DNMT1: variants seen among roughly 807,000 people sequenced by gnomAD.
DNMT1 encodes DNA methyltransferase 1.
Under a neutral mutation model 205.3 loss-of-function variants are expected in DNMT1, and 24 were observed. The observed-to-expected ratio is 0.12, with a 90% CI of 0.08 to 0.16. DNMT1 has a LOEUF of 0.16. Ranked by LOEUF, DNMT1 falls within the 10% of genes least tolerant of loss-of-function variation. The pLI is 1.00. For missense variants in DNMT1, 1,293 were observed against 2,177.7 expected (o/e 0.59, Z 8.09); for synonymous variants, 817 against 839.8 (o/e 0.97, Z 0.47).
intron 1 of DNMT1, among the ~76,000 whole-genome samples, chr19:10,187,363 G>A (rs1179484072): frequency 1.3e-5 from 2 of 152,138 alleles, no homozygotes; most frequent in Admixed American, 6.6e-5. Flanking sequence ...CTACACTCGG[G>A]AAGCCAGGAC....
intron 14 of DNMT1, 41 bp downstream of exon 14, chr19:10,160,343 A>G: frequency 6.2e-7 from 1 of 1,613,668 alleles, no homozygotes; most frequent in Non-Finnish European, 8.5e-7. Context: ...TCATTTTAAC[A>G]TTACCATCTG....
intron 28 of DNMT1, 92 bp from the exon 29 acceptor site, chr19:10,144,079 T>C (rs1346412743): frequency 1.6e-6 from 2 of 1,277,586 alleles, no homozygotes; most frequent in African/African-American, 2.9e-5. Context: ...CCATTTAAAG[T>C]CAAGCACCTG....
At chr19:10,192,015 G>T (rs1284427205) in intron 1 of DNMT1, among the ~76,000 whole-genome samples, 1 of 151,990 alleles carries the variant, frequency 6.6e-6, no homozygotes, top group African/African-American at 2.4e-5. Context: ...GTAGAGATGG[G>T]GTTTCGCCAC....
rs756623224 is a variant in DNMT1, at chr19:10,154,470, C to T, written c.1842G>A (p.Gln614=). ...AATGCCTGATGGTCTGCCGCCTCGC[C>T]TGGGCTCGCCTACGGGAGAGGTTCC... ...AGVTLGQRRA[Q]ARRQTIRHST... is the part of the protein sequence containing the mutation. Residue 614 remains glutamine (Q), a synonymous_variant, in exon 22 of 41, where the codon CAG becomes CAA. Transcript: ENST00000359526. This position sits in a 1 kb window ranked among gnomAD's most constrained non-coding sequence, Gnocchi z 6.3. 5.6e-6 allele frequency: 9 copies of T among 1,614,098 alleles called. No homozygotes were observed. Among genetic ancestry groups the T allele is most frequent in the Admixed American group, 1.7e-5 (1 of 60,002 alleles).
intron 24 of DNMT1, among the ~76,000 whole-genome samples, chr19:10,150,459 C>T (rs1387950847): frequency 6.6e-6 from 1 of 152,222 alleles, no homozygotes; most frequent in African/African-American, 2.4e-5. Flanking sequence ...CAGGTGTCAC[C>T]TCTGCAAGGC....
In DNMT1 at chr19:10,133,584, G is replaced by T; in HGVS notation, c.*83C>A. The T allele has an allele frequency of 6.7e-7, 1 of 1,482,022 alleles. No individual in the cohort carries two copies. Among genetic ancestry groups the T allele is most frequent in the Non-Finnish European group, 9.2e-7 (1 of 1,083,432 alleles). 91.8% of individuals were successfully genotyped at this position (1,482,022 alleles called of 1,614,324 possible). A position where few individuals can be genotyped will look rare whatever the true frequency, so the allele number is the denominator to read the frequency against. On this transcript the variant is annotated 3_prime_UTR_variant, in exon 41 of 41. Coordinates refer to ENST00000359526, the MANE Select transcript of DNMT1 (RefSeq NM_001130823.3). The surrounding 1 kb of genome is among the most constrained non-coding windows in gnomAD (Gnocchi z 4.1). ...ACACCATGTACCACACATGTGAACG[G>T]ACAGATTGACATGTTAAAAACACAA...
rs191767558 is a variant in DNMT1 at position 10,156,886 on chromosome 19, G to A, written c.1281-377C>T. On this transcript the variant is annotated intron_variant, in intron 17 of 40. Transcript: ENST00000359526. This position sits in a 1 kb window ranked among gnomAD's most constrained non-coding sequence, Gnocchi z 4.2. ...ACCCACCTCAGCCTCCCAAAGTGCT[G>A]GGATTACAGGCTGAACCACCATGCC... Among the ~76,000 whole-genome samples, 76 of 152,150 alleles carry A rather than the reference G, an allele frequency of 5.0e-4. No individual in the cohort carries two copies. The highest frequency in any genetic ancestry group is 1.8e-3 in the African/African-American group (76 of 41,494).
intron 11 of DNMT1, among the ~76,000 whole-genome samples, chr19:10,165,112 A>T (rs11881310): frequency 0.072 from 10,858 of 151,026 alleles, 492 homozygotes; most frequent in Non-Finnish European, 0.1. Flanking sequence ...CAAAAAATTA[A>T]AAAAAAAAAT....
In DNMT1 at chr19:10,154,288, G is replaced by A. The variant is rs2145306976; in HGVS notation, c.2019+5C>T. 1 of 1,614,026 alleles carries A rather than the reference G, an allele frequency of 6.2e-7. No homozygotes were observed. The highest frequency in any genetic ancestry group is 8.5e-7 in the Non-Finnish European group (1 of 1,179,908). Reference sequence around the variant, plus strand: ...GGGAGCGGGAGCACCCACAGGTGAGGTTACCTCACAGACGCCACATCGCCG... The same window carrying A: ...GGGAGCGGGAGCACCCACAGGTGAGATTACCTCACAGACGCCACATCGCCG... On this transcript the variant is annotated splice_donor_5th_base_variant and intron_variant, in intron 22 of 40. Coordinates refer to ENST00000359526, the MANE Select transcript of DNMT1 (RefSeq NM_001130823.3). This position sits in a 1 kb window ranked among gnomAD's most constrained non-coding sequence, Gnocchi z 6.3.
intron 9 of DNMT1, among the ~76,000 whole-genome samples, chr19:10,172,239 A>G (rs895965410): frequency 6.6e-6 from 1 of 151,488 alleles, no homozygotes; most frequent in African/African-American, 2.4e-5. Flanking sequence ...AACATGGAGA[A>G]ACCCCATCTT....
chr19:10,166,259 CAT>C (rs1224651119), intron 11 of DNMT1, among the ~76,000 whole-genome samples: 1 of 152,164 alleles, frequency 6.6e-6, no homozygotes, highest in Non-Finnish European at 1.5e-5. Flanking sequence ...GTGTGGCTGA[CAT>C]GTGCGTCAGA....
At chr19:10,144,206 G>A in intron 28 of DNMT1, 3 of 569,596 alleles carry the variant, frequency 5.3e-6, no homozygotes, top group Admixed American at 2.6e-5. Context: ...TCAGAAGTTC[G>A]AGACCACCCT....
At chr19:10,193,678 AAAAAG>A (rs1555697379) in intron 1 of DNMT1, among the ~76,000 whole-genome samples, 7 of 151,704 alleles carry the variant, frequency 4.6e-5, no homozygotes, top group African/African-American at 7.3e-5. Flanking sequence ...AAAAAAAAAA[AAAAAG>A]AAAAGAAAAA....
At position 10,149,546 on chromosome 19, in the gene DNMT1, G is replaced by C. The variant is rs2038289703; in HGVS notation, c.2493C>G (p.Phe831Leu). 2.5e-6 allele frequency: 4 copies of C among 1,613,890 alleles called. No individual in the cohort carries two copies. Among genetic ancestry groups the C allele is most frequent in the Non-Finnish European group, 3.4e-6 (4 of 1,180,008 alleles). The change falls in exon 26 of 41, where the codon TTC becomes TTG. Residue 831 changes from phenylalanine (F) to leucine (L), a missense_variant. Physicochemically the swap from Phe to Leu is conservative, Grantham distance 22 (BLOSUM62 0). Around this residue, in one of 13 missense-constraint regions of DNMT1, gnomAD observed 197 missense variants for 353.6 expected, o/e 0.56. Coordinates refer to ENST00000359526, the MANE Select transcript of DNMT1 (RefSeq NM_001130823.3). ...GCATGTCCTCACATTCATCCACCAAGAACAGCTCCAGAGGGTCCGACGTGG... is the reference window on the plus strand; with the variant it reads ...GCATGTCCTCACATTCATCCACCAACAACAGCTCCAGAGGGTCCGACGTGG... Reference protein sequence around the residue: ...LGATSDPLELFLVDECEDMQL... With the variant: ...LGATSDPLELLLVDECEDMQL...
chr19:10,151,370 G>A lies in DNMT1; in HGVS notation c.2265+28C>T. On this transcript the variant is annotated intron_variant, in intron 24 of 40. Coordinates refer to ENST00000359526, the MANE Select transcript of DNMT1 (RefSeq NM_001130823.3). The surrounding 1 kb of genome is among the most constrained non-coding windows in gnomAD (Gnocchi z 5.0). The stretch of plus-strand genomic sequence containing the variant: ...ACCTGCTTATTGGGAACATGGCAGT[G>A]AGCTGACCAAGGGGCTCCAAGGGTT... 6.2e-7 allele frequency: 1 copy of A among 1,609,922 alleles called. No homozygotes were observed. The highest frequency in any genetic ancestry group is 1.3e-5 in the African/African-American group (1 of 75,018).
chr19:10,148,287 G>A (rs1419948248), intron 27 of DNMT1, among the ~76,000 whole-genome samples: 1 of 151,088 alleles, frequency 6.6e-6, no homozygotes, highest in African/African-American at 2.4e-5. Flanking sequence ...ACAAGGTCAG[G>A]AGATCGAGAC....
In DNMT1 at chr19:10,173,557, T is replaced by C. The variant is rs1467162415; in HGVS notation, c.683+314A>G. Among the ~76,000 whole-genome samples the C allele has an allele frequency of 2.6e-5, 4 of 151,492 alleles. No homozygotes were observed. In the Admixed American group the frequency reaches 2.6e-4, roughly 10 times the overall value. Reference sequence around the variant, plus strand: ...CTCAGGCTGGAGTGCAGTGGAATGATCTCAGATCACTGCAGCCTCTACCTC... The same window carrying C: ...CTCAGGCTGGAGTGCAGTGGAATGACCTCAGATCACTGCAGCCTCTACCTC... On this transcript the variant is annotated intron_variant, in intron 8 of 40. Transcript: ENST00000359526.
At chr19:10,187,077 C>T (rs1333353857) in intron 1 of DNMT1, among the ~76,000 whole-genome samples, 2 of 151,746 alleles carry the variant, frequency 1.3e-5, no homozygotes, top group African/African-American at 4.8e-5. Flanking sequence ...GGGAAAGGCA[C>T]CTCCAGAGAG....
chr19:10,149,342 CAA>C, intron 26 of DNMT1, 109 bp downstream of exon 26: 1 of 1,042,572 alleles, frequency 9.6e-7, no homozygotes. Context: ...AAAAAAAAAA[CAA>C]AAAAAAAACC....
Sources: allele counts gnomAD v4.1 joint callset (sites outside exome capture counted in the v4.1 genomes callset), GRCh38; gene constraint gnomAD v4.1.1; regional missense constraint gnomAD v4.1.1; non-coding constraint Gnocchi (gnomAD v3.1); transcripts MANE v1.5; gene names NCBI Gene and HGNC (gene_info 2026-07-23, HGNC 2026-07-21).